Variants in VWDE observed in about 807,000 individuals in gnomAD.
The protein encoded by VWDE is von Willebrand factor D and EGF domains.
VWDE carries 207 observed loss-of-function variants against 178.4 expected under a neutral mutation model. The observed-to-expected ratio is 1.16, with a 90% CI of 1.04 to 1.30. VWDE has a LOEUF of 1.30. Among genes scored for constraint, VWDE ranks in the 50% most tolerant of loss-of-function variants. The pLI, the probability that VWDE is intolerant of heterozygous loss-of-function variation, is 0.00. For missense variants in VWDE, 2,287 were observed against 1,901.3 expected (o/e 1.20, Z -3.77); for synonymous variants, 738 against 651.4 (o/e 1.13, Z -2.02).
At position 12,370,883 on chromosome 7, in the gene VWDE, T is replaced by C. The variant is rs1783159054; in HGVS notation, c.1588-19A>G. On this transcript the variant is annotated intron_variant, in intron 10 of 28. Coordinates refer to ENST00000275358, the MANE Select transcript of VWDE (RefSeq NM_001135924.3). ...ACCAGATCTGAAAAACAGAAATAAA[T>C]ACAGAAATAAAAGATGTTGAAGCAA... 1 of 1,487,742 alleles carries C rather than the reference T, an allele frequency of 6.7e-7. No homozygotes were observed. Among genetic ancestry groups the C allele is most frequent in the Middle Eastern group, 1.8e-4 (1 of 5,708 alleles). 92.2% of individuals were successfully genotyped at this position (1,487,742 alleles called of 1,614,324 possible).
chr7:12,381,828 T>C (rs1460897818), intron 4 of VWDE, among the ~76,000 whole-genome samples: 1 of 151,854 alleles, frequency 6.6e-6, no homozygotes, highest in African/African-American at 2.4e-5. Context: ...AAAAGCTATC[T>C]ATGGAAATGA....
rs759093280 is a variant in VWDE, at chr7:12,403,855, G to C, written c.-139C>G. The C allele has an allele frequency of 1.8e-5, 16 of 893,596 alleles. No individual in the cohort carries two copies. The highest frequency in any genetic ancestry group is 2.4e-5 in the Non-Finnish European group (14 of 583,536). The allele number at this position is 893,596 out of a possible 1,614,324, so 55.4% of individuals were successfully genotyped here. ...GCTGCTTGGAACAGGGAAGCTCCGCGTCCTCGTTCTGGGGTGCACCCAGTC... is the reference window on the plus strand; with the variant it reads ...GCTGCTTGGAACAGGGAAGCTCCGCCTCCTCGTTCTGGGGTGCACCCAGTC... On this transcript the variant is annotated 5_prime_UTR_variant, in exon 1 of 29. Transcript: ENST00000275358.
chr7:12,365,100 C>T (rs1782789338), intron 13 of VWDE, among the ~76,000 whole-genome samples: 1 of 151,764 alleles, frequency 6.6e-6, no homozygotes, highest in African/African-American at 2.4e-5. Context: ...GCCAAGTGTG[C>T]AAAAGATAAA....
chr7:12,377,218 AC>A (rs1028214766), intron 7 of VWDE, among the ~76,000 whole-genome samples: 1 of 152,140 alleles, frequency 6.6e-6, no homozygotes, highest in Non-Finnish European at 1.5e-5. Flanking sequence ...CTATCCATTG[AC>A]ACATATGTGG....
intron 13 of VWDE, among the ~76,000 whole-genome samples, chr7:12,364,609 GAATA>G (rs1339469025): frequency 6.6e-6 from 1 of 151,990 alleles, no homozygotes; most frequent in African/African-American, 2.4e-5. Context: ...GTAAATAAAT[GAATA>G]AATAAATTGG....
At chr7:12,374,926 A>G (rs1460721873) in intron 8 of VWDE, 84 bp downstream of exon 8, 1 of 1,358,214 alleles carries the variant, frequency 7.4e-7, no homozygotes, top group East Asian at 2.5e-5. Context: ...AATTTTTTAC[A>G]TAAAAAGTTT....
At position 12,369,713 on chromosome 7, in the gene VWDE, T is replaced by C; in HGVS notation, c.2593A>G (p.Arg865Gly). The part of the protein sequence containing the change: ...VALLENECEK[R>G]IVEEGKYNTE... ...TTATATTTCCCCTCCTCCACAATCC[T>C]CTTTTCACATTCATTTTCTAAAAGG... Residue 865 changes from arginine (R) to glycine (G), a missense_variant, in exon 12 of 29, where the codon AGG becomes GGG. Physicochemically the swap from Arg to Gly is moderately radical, Grantham distance 125 (BLOSUM62 -2). Coordinates refer to ENST00000275358, the MANE Select transcript of VWDE (RefSeq NM_001135924.3). The C allele has an allele frequency of 1.3e-6, 2 of 1,551,106 alleles. No homozygotes were observed. The highest frequency in any genetic ancestry group is 1.7e-6 in the Non-Finnish European group (2 of 1,146,336).
In VWDE at chr7:12,375,155, G is replaced by A; in HGVS notation, c.1097C>T (p.Ala366Val). Residue 366 changes from alanine to valine, a missense_variant, in exon 8 of 29, where the codon GCT (alanine) becomes GTT (valine). By Grantham distance (64) the Ala-to-Val change is moderately conservative (BLOSUM62 0). Transcript: ENST00000275358. The part of the protein sequence containing the change: ...HVDLLQTSSC[A>V]NGTCSHTFVY... The stretch of plus-strand genomic sequence containing the variant: ...AAAAGTGTGGCTACAGGTTCCATTA[G>A]CACAGGAAGATGTCTGGAGAAGGTC... The A allele has an allele frequency of 3.2e-6, 5 of 1,551,198 alleles. No individual in the cohort carries two copies. Among genetic ancestry groups the A allele is most frequent in the Non-Finnish European group, 3.5e-6 (4 of 1,146,628 alleles).
chr7:12,403,763 C>G lies in VWDE; in HGVS notation c.-47G>C. ...GAAAGGCGTCGCAGAGCCCGGGCCG[C>G]GGGTGCCAGGAGGATGGGGCCACAG... is the stretch of plus-strand genomic sequence containing the variant. On this transcript the variant is annotated 5_prime_UTR_variant, in exon 1 of 29. Transcript: ENST00000275358. The G allele has an allele frequency of 6.5e-7, 1 of 1,546,206 alleles. No individual in the cohort carries two copies. Among genetic ancestry groups the G allele is most frequent in the Non-Finnish European group, 8.7e-7 (1 of 1,143,378 alleles).
intron 1 of VWDE, among the ~76,000 whole-genome samples, chr7:12,400,496 A>T (rs1365245436): frequency 6.6e-6 from 1 of 152,130 alleles, no homozygotes; most frequent in East Asian, 1.9e-4. Context: ...TGCAAAACCA[A>T]CTCAAGAAGA....
At chr7:12,352,117 C>T (rs1308465339) in intron 18 of VWDE, among the ~76,000 whole-genome samples, 1 of 152,148 alleles carries the variant, frequency 6.6e-6, no homozygotes, top group African/African-American at 2.4e-5. Flanking sequence ...CAACCCTACT[C>T]GCACCTTAAT....
intron 19 of VWDE, among the ~76,000 whole-genome samples, chr7:12,346,469 T>C (rs1291847379): frequency 6.6e-6 from 1 of 151,982 alleles, no homozygotes; most frequent in African/African-American, 2.4e-5. Context: ...TAAGCAAAAA[T>C]TGGGAAATTA....
intron 18 of VWDE, among the ~76,000 whole-genome samples, chr7:12,355,610 G>A (rs553028645): frequency 3.9e-5 from 6 of 152,124 alleles, no homozygotes; most frequent in African/African-American, 1.4e-4. Context: ...GAAATTAAAG[G>A]TTGGCAGTCA....
chr7:12,367,193 A>G (rs909412590), intron 13 of VWDE, among the ~76,000 whole-genome samples, 164 bp downstream of exon 13: 13 of 152,074 alleles, frequency 8.5e-5, no homozygotes, highest in South Asian at 2.1e-4. Flanking sequence ...AAAGTTAACA[A>G]AGAAGCGTCA....
chr7:12,369,477 T>A, intron 12 of VWDE, 68 bp downstream of exon 12: 1 of 1,449,174 alleles, frequency 6.9e-7, no homozygotes, highest in Non-Finnish European at 9.1e-7. Context: ...GAGGGTGAAA[T>A]AAAGATCAAA....
chr7:12,373,782 T>C (rs1783349999), intron 9 of VWDE, among the ~76,000 whole-genome samples: 2 of 152,082 alleles, frequency 1.3e-5, no homozygotes, highest in African/African-American at 4.8e-5. Context: ...TTCACCTAGT[T>C]GTTGCGTAAT....
chr7:12,379,384 G>A, intron 6 of VWDE, 93 bp downstream of exon 6: 3 of 807,156 alleles, frequency 3.7e-6, no homozygotes, highest in East Asian at 3.0e-5. Flanking sequence ...TTCAGTCTGT[G>A]ATGAGGTACA....
rs764665015 is a variant in VWDE at position 12,375,202 on chromosome 7, C to T, written c.1050G>A (p.Leu350=). The change falls in exon 8 of 29, where the codon TTG becomes TTA. Residue 350 remains leucine, a synonymous_variant. Transcript: ENST00000275358. ...GQGREHLGLN[L]ALSSCHVDLL... ...GGTCCACATGACAGGAAGACAGTGC[C>T]AAATTTAAGCCTAGGTGCTCTCTAC... The T allele has an allele frequency of 7.8e-5, 121 of 1,550,682 alleles. No individual in the cohort carries two copies. Among genetic ancestry groups the T allele is most frequent in the Middle Eastern group, 1.7e-4 (1 of 6,008 alleles).
intron 3 of VWDE, among the ~76,000 whole-genome samples, chr7:12,386,520 C>T (rs1158556615): frequency 6.6e-6 from 1 of 152,128 alleles, no homozygotes; most frequent in African/African-American, 2.4e-5. Flanking sequence ...TTGTTATGTT[C>T]TCCCTCACTC....
Sources: allele counts gnomAD v4.1 joint callset (sites outside exome capture counted in the v4.1 genomes callset), GRCh38; gene constraint gnomAD v4.1.1; transcripts MANE v1.5; gene names NCBI Gene and HGNC (gene_info 2026-07-23, HGNC 2026-07-21).